Variants in CBR4 observed in about 807,000 individuals in gnomAD.
CBR4 encodes the protein carbonyl reductase 4.
A neutral mutation model predicts 21.0 loss-of-function variants in CBR4; 22 were observed. The ratio of observed to expected loss-of-function variants is 1.05; its 90% confidence interval spans 0.75 to 1.50. CBR4 has a LOEUF of 1.50. Ranked by LOEUF, CBR4 falls within the 40% of genes most tolerant of loss-of-function variation. The pLI is 0.00. For synonymous variants in CBR4, 100 were observed against 104.4 expected (o/e 0.96, Z 0.26); for missense variants, 302 against 286.3 (o/e 1.05, Z -0.40).
chr4:168,922,764 T>TCCTCTAACCTCAAACTA, intron 2 of CBR4, among the ~76,000 whole-genome samples: 1 of 152,346 alleles, frequency 6.6e-6, no homozygotes, highest in South Asian at 2.1e-4. Context: ...TTGATTTCAT[T>TCCTCTAACCTCAAACTA]CCTCTAACCT....
At chr4:168,948,039 A>G (rs1763441354) in intron 2 of CBR4, among the ~76,000 whole-genome samples, 1 of 151,954 alleles carries the variant, frequency 6.6e-6, no homozygotes, top group South Asian at 2.1e-4. Flanking sequence ...GCCAACACCT[A>G]CTGTTTTTTG....
At chr4:168,993,925 G>A (rs375071453) in intron 4 of CBR4, among the ~76,000 whole-genome samples, 2 of 152,256 alleles carry the variant, frequency 1.3e-5, no homozygotes, top group South Asian at 2.1e-4. Context: ...ACTAGATTCT[G>A]TTCCCTGCTC....
At chr4:168,941,497 A>C (rs1181808231) in intron 2 of CBR4, among the ~76,000 whole-genome samples, 1 of 152,180 alleles carries the variant, frequency 6.6e-6, no homozygotes, top group Non-Finnish European at 1.5e-5. Flanking sequence ...GGTAAAATTC[A>C]ACATCCCTCT....
intron 2 of CBR4, among the ~76,000 whole-genome samples, chr4:168,943,082 G>GAACT (rs1382639585): frequency 6.6e-6 from 1 of 152,148 alleles, no homozygotes; most frequent in African/African-American, 2.4e-5. Flanking sequence ...ACTACAAAGA[G>GAACT]AACTACCATA....
chr4:168,989,948 A>G lies in CBR4; in HGVS notation c.*202T>C. 8.2e-7 allele frequency: 1 copy of G among 1,226,472 alleles called. No individual in the cohort carries two copies. The highest frequency in any genetic ancestry group is 1.0e-6 in the Non-Finnish European group (1 of 981,834). 76.0% of individuals were successfully genotyped at this position (1,226,472 alleles called of 1,614,324 possible). On this transcript the variant is annotated 3_prime_UTR_variant, in exon 5 of 5. Coordinates refer to ENST00000306193, the MANE Select transcript of CBR4 (RefSeq NM_032783.5). The stretch of plus-strand genomic sequence containing the variant: ...AGGCTTTTTAAACAAAACAACACTG[A>G]TGTAACTTAGACCAAAAAAAAAAAA...
At chr4:168,940,263 T>C (rs931952193) in intron 2 of CBR4, among the ~76,000 whole-genome samples, 1 of 152,146 alleles carries the variant, frequency 6.6e-6, no homozygotes, top group Non-Finnish European at 1.5e-5. Flanking sequence ...CTGAACCCCT[T>C]CCTTACACCT....
intron 2 of CBR4, among the ~76,000 whole-genome samples, chr4:168,959,992 T>C (rs1763800617): frequency 6.6e-6 from 1 of 152,168 alleles, no homozygotes; most frequent in Non-Finnish European, 1.5e-5. Flanking sequence ...AAGAACATGG[T>C]AAATTTGTCT....
At chr4:168,957,302 T>A (rs192508365) in intron 2 of CBR4, among the ~76,000 whole-genome samples, 2 of 152,028 alleles carry the variant, frequency 1.3e-5, no homozygotes, top group South Asian at 4.2e-4. Context: ...GAGTAAAAAA[T>A]CGCTTTGACA....
chr4:169,000,379 G>GA (rs200093226), intron 4 of CBR4, among the ~76,000 whole-genome samples: 55 of 132,336 alleles, frequency 4.2e-4, no homozygotes, highest in Admixed American at 9.1e-4. Context: ...GTTGCTATGA[G>GA]AAAAAAAAAA....
At chr4:169,009,516 C>T (rs547955732) in intron 1 of CBR4, among the ~76,000 whole-genome samples, 81 of 152,224 alleles carry the variant, frequency 5.3e-4, no homozygotes, top group Non-Finnish European at 1.0e-3. Flanking sequence ...ACCTGCACTC[C>T]CACCTTTCCT....
chr4:168,918,891 A>G (rs1760820839), intron 2 of CBR4, among the ~76,000 whole-genome samples: 1 of 152,202 alleles, frequency 6.6e-6, no homozygotes, highest in Non-Finnish European at 1.5e-5. Flanking sequence ...ATTAGATTAT[A>G]CCAAAGAATT....
At chr4:168,973,651 A>G (rs1432557711) in intron 2 of CBR4, among the ~76,000 whole-genome samples, 3 of 152,222 alleles carry the variant, frequency 2.0e-5, no homozygotes, top group Non-Finnish European at 4.4e-5. Flanking sequence ...GAATGTTGAT[A>G]GAATTCAGTC....
At chr4:168,914,327 C>G (rs1759667183) in intron 2 of CBR4, among the ~76,000 whole-genome samples, 1 of 152,166 alleles carries the variant, frequency 6.6e-6, no homozygotes, top group South Asian at 2.1e-4. Context: ...GAAAATACTA[C>G]TAAATGGTAC....
At chr4:168,982,246 A>G (rs1764567084) in intron 2 of CBR4, among the ~76,000 whole-genome samples, 3 of 152,204 alleles carry the variant, frequency 2.0e-5, no homozygotes, top group Admixed American at 1.3e-4. Context: ...ATGGAAAACA[A>G]AAAGGAGCAG....
chr4:168,970,262 CTTT>C (rs541705535), intron 2 of CBR4, among the ~76,000 whole-genome samples: 1 of 151,446 alleles, frequency 6.6e-6, no homozygotes, highest in Non-Finnish European at 1.5e-5. Flanking sequence ...CCAAACTTTT[CTTT>C]TTTATGTTTA....
chr4:168,896,607 T>C, intron 2 of CBR4: 1 of 1,468,322 alleles, frequency 6.8e-7, no homozygotes, highest in Non-Finnish European at 9.2e-7. Flanking sequence ...AAGGTTAAGC[T>C]TTTCACCTTT....
At chr4:168,940,163 A>G (rs949219535) in intron 2 of CBR4, among the ~76,000 whole-genome samples, 1 of 152,222 alleles carries the variant, frequency 6.6e-6, no homozygotes, top group Non-Finnish European at 1.5e-5. Flanking sequence ...GATCTTTGAC[A>G]AACCTGACTA....
At position 168,926,980 on chromosome 4, in the gene CBR4, G is replaced by A. The variant is rs539710745; in HGVS notation, n.170-32215C>T. 2.0e-4 allele frequency: 44 copies of A among 219,458 alleles called. No individual in the cohort carries two copies. The Admixed American group carries it at 2.2e-3, about 11-fold the overall frequency. 13.6% of individuals were successfully genotyped at this position (219,458 alleles called of 1,614,324 possible). ...AATATCAAAAGAGTTTTCTAACAAGGTTAATACCTTAGTTCTTAACATTTT... is the reference window on the plus strand; with the variant it reads ...AATATCAAAAGAGTTTTCTAACAAGATTAATACCTTAGTTCTTAACATTTT... On this transcript the variant is annotated intron_variant and non_coding_transcript_variant, in intron 2 of 3. Coordinates refer to the CBR4 transcript ENST00000509108.
chr4:168,990,244 A>G lies in CBR4; in HGVS notation c.620T>C (p.Ile207Thr). Residue 207 changes from isoleucine to threonine, a missense_variant, in exon 5 of 5, where the codon ATT becomes ACT. By Grantham distance (89) the Ile-to-Thr change is moderately conservative (BLOSUM62 -1). Coordinates refer to ENST00000306193, the MANE Select transcript of CBR4 (RefSeq NM_032783.5). ...NIPLGRFGET[I>T]EVAHAVVFLL... ...AAACACAACCGCATGTGCCACCTCA[A>G]TAGTTTCTCCAAACCTCCCAAGAGG... 1 of 1,613,778 alleles carries G rather than the reference A, an allele frequency of 6.2e-7. No homozygotes were observed. Among genetic ancestry groups the G allele is most frequent in the Non-Finnish European group, 8.5e-7 (1 of 1,179,812 alleles).
Sources: allele counts gnomAD v4.1 joint callset (sites outside exome capture counted in the v4.1 genomes callset), GRCh38; gene constraint gnomAD v4.1.1; transcripts MANE v1.5; gene names NCBI Gene and HGNC (gene_info 2026-07-23, HGNC 2026-07-21).